Variants in ABCA5 observed in about 807,000 individuals in gnomAD.
The protein encoded by ABCA5 is ATP binding cassette subfamily A member 5, also known as cholesterol transporter ABCA5.
In ABCA5, 163 loss-of-function variants were observed where a neutral mutation model predicts 206.0. The observed-to-expected ratio is 0.79, with a 90% CI of 0.70 to 0.90. The LOEUF (loss-of-function observed/expected upper bound fraction) is 0.90, where lower values mean the gene tolerates loss of function less well. ABCA5 is among the 40% of genes least tolerant of loss of function. The probability of loss-of-function intolerance (pLI) is 0.00; values close to 1 mark genes in which losing one functional copy is unlikely to be tolerated. For missense variants in ABCA5, 1,859 were observed against 1,912.9 expected, an observed-to-expected ratio of 0.97 and a Z score of 0.53; for synonymous variants, 609 against 613.8, an observed-to-expected ratio of 0.99 and a Z score of 0.11.
At position 69,273,960 on chromosome 17, in the gene ABCA5, A is replaced by G; in HGVS notation, c.2763T>C (p.Ala921=). Residue 921 remains alanine, a splice_region_variant and synonymous_variant, in exon 20 of 39, where the codon GCT becomes GCC. Transcript: ENST00000392676. The part of the protein sequence containing the change: ...YKTSLLLQNS[A]DSDISDLISF... The stretch of plus-strand genomic sequence containing the variant: ...TCACAGACCTTCACACACTCTCACC[A>G]GCAGAATTTTGAAGAAGCAGACTTG... 6.2e-7 allele frequency: 1 copy of G among 1,602,614 alleles called. No homozygotes were observed. Among genetic ancestry groups the G allele is most frequent in the Non-Finnish European group, 8.5e-7 (1 of 1,176,636 alleles).
At position 69,254,453 on chromosome 17, in the gene ABCA5, T is replaced by A. The variant is rs774522914; in HGVS notation, c.4106A>T (p.Asp1369Val). The A allele has an allele frequency of 6.2e-7, 1 of 1,611,924 alleles. No individual in the cohort carries two copies. The highest frequency in any genetic ancestry group is 1.7e-5 in the Admixed American group (1 of 59,564). Reference protein sequence around the residue: ...LGDYSSETSEDDDSLKCMGYC... With the variant: ...LGDYSSETSEVDDSLKCMGYC... ...ACCCATACACTTCAGTGAATCATCA[T>A]CTTCACTTGTCTCTGAAGAATAATC... is the stretch of plus-strand genomic sequence containing the variant. The change falls in exon 32 of 39, where the codon GAT becomes GTT. Residue 1369 changes from aspartate (D) to valine (V), a missense_variant. Asp to Val is a radical substitution (Grantham distance 152). Coordinates refer to ENST00000392676, the MANE Select transcript of ABCA5 (RefSeq NM_172232.4).
chr17:69,260,753 G>A (rs1197439906), intron 26 of ABCA5, among the ~76,000 whole-genome samples: 1 of 151,668 alleles, frequency 6.6e-6, no homozygotes, highest in Non-Finnish European at 1.5e-5. Context: ...AAATCAATCT[G>A]GTTTTTGTCT....
At chr17:69,254,569 C>A in intron 31 of ABCA5, 79 bp from the exon 32 acceptor site, 1 of 1,093,784 alleles carries the variant, frequency 9.1e-7, no homozygotes, top group Non-Finnish European at 1.3e-6. Context: ...TAATTAAAAC[C>A]CCTTCCTACA....
chr17:69,302,407 T>C (rs967035169), intron 8 of ABCA5, among the ~76,000 whole-genome samples: 1 of 152,132 alleles, frequency 6.6e-6, no homozygotes, highest in African/African-American at 2.4e-5. Context: ...AACCAGGCCA[T>C]AGGCAATAAG....
At chr17:69,280,481 C>T (rs1279361467) in intron 18 of ABCA5, among the ~76,000 whole-genome samples, 1 of 150,714 alleles carries the variant, frequency 6.6e-6, no homozygotes, top group African/African-American at 2.4e-5. Flanking sequence ...TGTGGCGATT[C>T]CTCAGGGATC....
chr17:69,287,748 G>A lies in ABCA5; in HGVS notation c.1906C>T (p.Leu636=). ...GIAVLGNPKI[L]LLDEPTAGMD... is the part of the protein sequence containing the mutation. ...CCAGCTGTTGGTTCATCTAGCAGCA[G>A]TATCTGTGTGAAAAGAGGTGAAGAA... Residue 636 remains leucine, a synonymous_variant, in exon 15 of 39, where the codon CTG becomes TTG. Coordinates refer to ENST00000392676, the MANE Select transcript of ABCA5 (RefSeq NM_172232.4). 2 of 1,612,560 alleles carry A rather than the reference G, an allele frequency of 1.2e-6. No homozygotes were observed. Among genetic ancestry groups the A allele is most frequent in the Non-Finnish European group, 1.7e-6 (2 of 1,179,306 alleles).
At chr17:69,306,144 T>C (rs1218010298) in intron 6 of ABCA5, among the ~76,000 whole-genome samples, 2 of 152,138 alleles carry the variant, frequency 1.3e-5, no homozygotes, top group African/African-American at 4.8e-5. Flanking sequence ...ATTATCACTG[T>C]ACAAAAATGC....
At chr17:69,323,209 T>A (rs2075877628) in intron 1 of ABCA5, among the ~76,000 whole-genome samples, 1 of 152,182 alleles carries the variant, frequency 6.6e-6, no homozygotes, top group African/African-American at 2.4e-5. Flanking sequence ...ATGCCAGGGA[T>A]AAAAGACCGC....
Position 69,281,976 on chromosome 17 carries a change from C to T in ABCA5, c.2392+1977G>A, listed in dbSNP as rs530329483. Among the ~76,000 whole-genome samples, 6 of 152,220 alleles carry T rather than the reference C, an allele frequency of 3.9e-5. No homozygotes were observed. In the South Asian group the frequency reaches 1.2e-3, roughly 32 times the overall value. Reference sequence around the variant, plus strand: ...TGGTTTCCTTTGCTCTCCTCACCTGCCACTACAAACATTTTGCTAACCTTC... The same window carrying T: ...TGGTTTCCTTTGCTCTCCTCACCTGTCACTACAAACATTTTGCTAACCTTC... On this transcript the variant is annotated intron_variant, in intron 18 of 38. Transcript: ENST00000392676.
At chr17:69,308,421 C>T (rs1447958708) in intron 4 of ABCA5, 53 bp from the exon 5 acceptor site, 6 of 1,228,482 alleles carry the variant, frequency 4.9e-6, no homozygotes, top group Non-Finnish European at 7.2e-6. Flanking sequence ...GCAAGTGCAT[C>T]GTTTTAAAGA....
At chr17:69,307,021 A>G in intron 5 of ABCA5, 67 bp from the exon 6 acceptor site, 1 of 1,156,886 alleles carries the variant, frequency 8.6e-7, no homozygotes, top group Non-Finnish European at 1.2e-6. Context: ...GTAAAACGGG[A>G]CAGCTATATC....
At chr17:69,287,802 AT>A in intron 14 of ABCA5, 51 bp from the exon 15 acceptor site, 1 of 1,566,504 alleles carries the variant, frequency 6.4e-7, no homozygotes, top group Non-Finnish European at 8.6e-7. Flanking sequence ...AAAACTAAAT[AT>A]TAAACAGGCA....
chr17:69,310,897 G>A lies in ABCA5; in HGVS notation c.308-1474C>T, dbSNP rs190945029. Among the ~76,000 whole-genome samples, 17 of 152,268 alleles carry A rather than the reference G, an allele frequency of 1.1e-4. No homozygotes were observed. The East Asian group carries it at 1.9e-3, about 17-fold the overall frequency. Reference sequence around the variant, plus strand: ...CAAGTGAAGTAACAAACATCAAAACGCTTTGTAGGCTGGATGTGGTGCCTC... The same window carrying A: ...CAAGTGAAGTAACAAACATCAAAACACTTTGTAGGCTGGATGTGGTGCCTC... On this transcript the variant is annotated intron_variant, in intron 3 of 38. Coordinates refer to ENST00000392676, the MANE Select transcript of ABCA5 (RefSeq NM_172232.4).
chr17:69,256,434 C>A (rs2075081260), intron 28 of ABCA5, 151 bp from the exon 29 acceptor site: 1 of 405,056 alleles, frequency 2.5e-6, no homozygotes, highest in South Asian at 6.6e-5. Context: ...AGCGATATTT[C>A]TTTTTTTTTC....
rs147123123 is a variant in ABCA5, at chr17:69,288,719, G to GAAGAAAGA, written c.1902+450_1902+457dup. Among the ~76,000 whole-genome samples, 1,255 of 145,256 alleles carry GAAGAAAGA rather than the reference G, an allele frequency of 8.6e-3. 18 individuals are homozygous for GAAGAAAGA. Among genetic ancestry groups the GAAGAAAGA allele is most frequent in the African/African-American group, 0.03 (1,193 of 39,204 alleles). Reference sequence around the variant, plus strand: ...CGTCTCTACAAATTAAAAAAAAAAAGAAGAAAGAAAGAAAGAAAGAAAGAA... The same window carrying GAAGAAAGA: ...CGTCTCTACAAATTAAAAAAAAAAAGAAGAAAGAAAGAAAGAAAGAAAGAAAGAAAGAA... On this transcript the variant is annotated intron_variant, in intron 14 of 38. Transcript: ENST00000392676.
At chr17:69,295,675 AGCT>A (rs1227828974) in intron 10 of ABCA5, among the ~76,000 whole-genome samples, 2 of 152,192 alleles carry the variant, frequency 1.3e-5, no homozygotes, top group African/African-American at 2.4e-5. Flanking sequence ...GTGTACATTA[AGCT>A]TTGATAAAGC....
At position 69,297,371 on chromosome 17, in the gene ABCA5, A is replaced by C. The variant is rs757915990; in HGVS notation, c.1268-12T>G. On this transcript the variant is annotated splice_polypyrimidine_tract_variant and intron_variant, in intron 9 of 38. Coordinates refer to ENST00000392676, the MANE Select transcript of ABCA5 (RefSeq NM_172232.4). ...TAAGCCAAATTCCCCTGAAAAATAA[A>C]CATTAAAAAACTGAGTTACCATAAT... The C allele has an allele frequency of 2.5e-6, 4 of 1,577,414 alleles. No individual in the cohort carries two copies. In the South Asian group the frequency reaches 4.8e-5, roughly 19 times the overall value.
intron 9 of ABCA5, among the ~76,000 whole-genome samples, chr17:69,300,538 C>G (rs1047801108): frequency 2.6e-5 from 4 of 152,080 alleles, no homozygotes; most frequent in Non-Finnish European, 5.9e-5. Context: ...TAACTAACAG[C>G]CATATATGGC....
intron 10 of ABCA5, among the ~76,000 whole-genome samples, chr17:69,295,993 G>A (rs143424991): frequency 8.5e-5 from 13 of 152,232 alleles, no homozygotes; most frequent in Admixed American, 1.3e-4. Context: ...CATTGTAAGC[G>A]TCATTGATTC....
Sources: gnomAD v4.1 joint callset for allele counts (sites outside exome capture counted in the v4.1 genomes callset) on GRCh38, gnomAD v4.1.1 for gene constraint, MANE v1.5 for transcripts, NCBI Gene and HGNC (gene_info 2026-07-23, HGNC 2026-07-21) for gene names.